The following MCM6 variants were observed in gnomAD, a reference collection of about 807,000 sequenced individuals.
The protein encoded by MCM6 is minichromosome maintenance complex component 6.
Under a neutral mutation model 94.3 loss-of-function variants are expected in MCM6, and 46 were observed. That is an observed-to-expected ratio of 0.49 (90% CI 0.39 to 0.62). The LOEUF is 0.62. Ranked by LOEUF, MCM6 falls within the 20% of genes least tolerant of loss-of-function variation. The pLI is 0.00. For synonymous variants in MCM6, 335 were observed against 351.9 expected, an observed-to-expected ratio of 0.95 and a Z score of 0.54; for missense variants, 865 against 1,017.9, an observed-to-expected ratio of 0.85 and a Z score of 2.04.
Position 135,857,913 on chromosome 2 carries a change from G to C in MCM6, c.1454C>G (p.Thr485Ser), listed in dbSNP as rs1275497559. ...AACACATACCTTCACTCCTGCTTTAGTGATGGATATGGTCTGCTGTTCCAT... is the reference window on the plus strand; with the variant it reads ...AACACATACCTTCACTCCTGCTTTACTGATGGATATGGTCTGCTGTTCCAT... ...EAMEQQTISITKAGVKATLNA... is the reference protein window; with the variant it reads ...EAMEQQTISISKAGVKATLNA... The change falls in exon 10 of 17, where the codon ACT (threonine) becomes AGT (serine). Residue 485 changes from threonine to serine, a missense_variant. Coordinates refer to ENST00000264156, the MANE Select transcript of MCM6 (RefSeq NM_005915.6). 6.2e-7 allele frequency: 1 copy of C among 1,613,886 alleles called. No individual in the cohort carries two copies. Among genetic ancestry groups the C allele is most frequent in the Admixed American group, 1.7e-5 (1 of 60,018 alleles).
At position 135,872,847 on chromosome 2, in the gene MCM6, C is replaced by T; in HGVS notation, c.108-4G>A. On this transcript the variant is annotated splice_region_variant and splice_polypyrimidine_tract_variant and intron_variant, in intron 1 of 16. Coordinates refer to ENST00000264156, the MANE Select transcript of MCM6 (RefSeq NM_005915.6). ...TTCTCCATCGCTGCTCTGAAACCTG[C>T]AGGTACATTCGAGTCAACTAGATTA... 1 of 1,613,646 alleles carries T rather than the reference C, an allele frequency of 6.2e-7. No individual in the cohort carries two copies. Among genetic ancestry groups the T allele is most frequent in the Non-Finnish European group, 8.5e-7 (1 of 1,179,798 alleles).
At chr2:135,866,080 T>C (rs1575366394) in intron 6 of MCM6, 52 bp downstream of exon 6, 1 of 1,601,668 alleles carries the variant, frequency 6.2e-7, no homozygotes, top group Non-Finnish European at 8.5e-7. Flanking sequence ...CCAGCCTGGG[T>C]GACAGAGAGA....
rs186543689 is a variant in MCM6 at position 135,852,989 on chromosome 2, T to G, written c.1627-74A>C. ...CCAGACTATCCCAGGCAATAAGAAA[T>G]GATTTATCGCCAAAAACAAGCTCTA... On this transcript the variant is annotated intron_variant, in intron 11 of 16. Coordinates refer to ENST00000264156, the MANE Select transcript of MCM6 (RefSeq NM_005915.6). 2 of 1,360,146 alleles carry G rather than the reference T, an allele frequency of 1.5e-6. 1 individual carries two copies. Among genetic ancestry groups the G allele is most frequent in the East Asian group, 5.2e-5 (2 of 38,724 alleles). The allele number at this position is 1,360,146 out of a possible 1,614,324, so 84.3% of individuals were successfully genotyped here. A position where few individuals can be genotyped will look rare whatever the true frequency, so the allele number is the denominator to read the frequency against.
chr2:135,868,349 C>T (rs1269488938), intron 4 of MCM6, among the ~76,000 whole-genome samples: 3 of 152,220 alleles, frequency 2.0e-5, no homozygotes, highest in Admixed American at 1.3e-4. Flanking sequence ...ACAACCACCA[C>T]CACCTAGTTA....
chr2:135,851,900 T>C (rs1679784897), intron 12 of MCM6: 1 of 164,060 alleles, frequency 6.1e-6, no homozygotes. Flanking sequence ...TTAAATAAAT[T>C]AATGCTCAGT....
At chr2:135,856,654 G>A in intron 11 of MCM6, 74 bp downstream of exon 11, 2 of 1,480,498 alleles carry the variant, frequency 1.4e-6, no homozygotes, top group Non-Finnish European at 1.8e-6. Flanking sequence ...ACCAGCTGTT[G>A]AGCAGTGTAT....
Position 135,862,683 on chromosome 2 carries a change from C to T in MCM6, c.1144G>A (p.Glu382Lys), listed in dbSNP as rs1195780415. The change falls in exon 8 of 17, where the codon GAA becomes AAA. Residue 382 changes from glutamate to lysine, a missense_variant. By Grantham distance (56) the Glu-to-Lys change is moderately conservative. Coordinates refer to ENST00000264156, the MANE Select transcript of MCM6 (RefSeq NM_005915.6). ...ATGTCCCCTCGAAGAGAGGTCCCTT[C>T]TCCTGTTGTCTTTGGAACGCCACCA... The part of the protein sequence containing the change: ...LFGGVPKTTG[E>K]GTSLRGDINV... 6.2e-7 allele frequency: 1 copy of T among 1,614,060 alleles called. No homozygotes were observed. Among genetic ancestry groups the T allele is most frequent in the East Asian group, 2.2e-5 (1 of 44,892 alleles).
At chr2:135,856,254 C>CCAA (rs1457808598) in intron 11 of MCM6, among the ~76,000 whole-genome samples, 4 of 152,048 alleles carry the variant, frequency 2.6e-5, no homozygotes, top group Admixed American at 6.6e-5. Flanking sequence ...ACCAGCCTGA[C>CCAA]CAACATGGTG....
intron 1 of MCM6, 145 bp downstream of exon 1, chr2:135,876,114 G>A: frequency 1.7e-6 from 1 of 588,664 alleles, no homozygotes; most frequent in Non-Finnish European, 2.7e-6. Context: ...CGGGCTCGGA[G>A]CCTAAAGTTG....
chr2:135,873,162 G>T (rs1680235171), intron 1 of MCM6, among the ~76,000 whole-genome samples: 1 of 152,156 alleles, frequency 6.6e-6, no homozygotes, highest in South Asian at 2.1e-4. Context: ...GAGTTCCTCT[G>T]CACAAGCTCT....
chr2:135,856,619 A>G, intron 11 of MCM6, 109 bp downstream of exon 11: 1 of 1,138,448 alleles, frequency 8.8e-7, no homozygotes, highest in Non-Finnish European at 1.2e-6. Context: ...CCTGAGGGAA[A>G]TCAAAGGCTG....
At chr2:135,849,470 G>C (rs185929639) in intron 13 of MCM6, among the ~76,000 whole-genome samples, 106 of 152,244 alleles carry the variant, frequency 7.0e-4, no homozygotes, top group Middle Eastern at 6.8e-3. Context: ...AAAAATCATA[G>C]ATGTTTTCAA....
In MCM6 at chr2:135,852,870, T is replaced by C. The variant is rs1179477512; in HGVS notation, c.1672A>G (p.Arg558Gly). ...IARRIVDLHS[R>G]IEESIDRVYS... ...ACACGATCAATTGATTCCTCAATTCTTGAATGCAAATCTACTATGCGCCTG... is the reference window on the plus strand; with the variant it reads ...ACACGATCAATTGATTCCTCAATTCCTGAATGCAAATCTACTATGCGCCTG... The change falls in exon 12 of 17, where the codon AGA (arginine) becomes GGA (glycine). Residue 558 changes from arginine (R) to glycine (G), a missense_variant. Coordinates refer to ENST00000264156, the MANE Select transcript of MCM6 (RefSeq NM_005915.6). 6.8e-6 allele frequency: 11 copies of C among 1,610,824 alleles called. No individual in the cohort carries two copies. The highest frequency in any genetic ancestry group is 9.3e-6 in the Non-Finnish European group (11 of 1,178,256).
intron 14 of MCM6, among the ~76,000 whole-genome samples, chr2:135,847,466 TTTC>T (rs1679691204): frequency 2.0e-5 from 3 of 152,208 alleles, no homozygotes; most frequent in Admixed American, 6.5e-5. Flanking sequence ...GAAAAAATGT[TTTC>T]AATTCAGAAG....
intron 1 of MCM6, 116 bp from the exon 2 acceptor site, chr2:135,872,959 G>A: frequency 7.7e-7 from 1 of 1,294,960 alleles, no homozygotes; most frequent in Non-Finnish European, 1.1e-6. Context: ...CCCATGTTTG[G>A]CAGTTCTGTA....
chr2:135,875,080 A>G (rs1680270365), intron 1 of MCM6, among the ~76,000 whole-genome samples: 1 of 152,178 alleles, frequency 6.6e-6, no homozygotes, highest in African/African-American at 2.4e-5. Flanking sequence ...GAAGATGAAA[A>G]GAGTTTGGAG....
chr2:135,871,078 AG>A (rs537600801), intron 2 of MCM6, among the ~76,000 whole-genome samples: 36 of 152,296 alleles, frequency 2.4e-4, no homozygotes, highest in African/African-American at 8.7e-4. Context: ...GGATGAGGAC[AG>A]GAGAAGTATT....
intron 14 of MCM6, 94 bp from the exon 15 acceptor site, chr2:135,846,486 A>AT (rs1446390261): frequency 6.1e-6 from 6 of 979,960 alleles, no homozygotes; most frequent in African/African-American, 1.6e-5. Context: ...TTTAATACTG[A>AT]TTTTTTTCAC....
At chr2:135,876,098 G>A (rs1680290748) in intron 1 of MCM6, among the ~76,000 whole-genome samples, 161 bp downstream of exon 1, 1 of 152,168 alleles carries the variant, frequency 6.6e-6, no homozygotes. Flanking sequence ...GGCTCCTCGC[G>A]GCCGCCGGGC....
Sources: gnomAD v4.1 joint callset for allele counts (sites outside exome capture counted in the v4.1 genomes callset) on GRCh38, gnomAD v4.1.1 for gene constraint, MANE v1.5 for transcripts, NCBI Gene and HGNC (gene_info 2026-07-23, HGNC 2026-07-21) for gene names.